Variants in UGT2A2 observed in about 807,000 individuals in gnomAD.
The protein encoded by UGT2A2 is UDP glucuronosyltransferase family 2 member A2.
In UGT2A2, 60 loss-of-function variants were observed where a neutral mutation model predicts 50.7. The observed-to-expected ratio is 1.18, with a 90% CI of 0.96 to 1.47. The LOEUF (loss-of-function observed/expected upper bound fraction) is 1.47. UGT2A2 is among the 40% of genes most tolerant of loss of function. The pLI, the probability that UGT2A2 is intolerant of heterozygous loss-of-function variation, is 0.00. For synonymous variants in UGT2A2, 242 were observed against 214.6 expected, an observed-to-expected ratio of 1.13 and a Z score of -1.11; for missense variants, 762 against 634.0, an observed-to-expected ratio of 1.20 and a Z score of -2.17.
intron 1 of UGT2A2, among the ~76,000 whole-genome samples, chr4:69,607,347 G>A (rs1405337172): frequency 2.0e-5 from 3 of 151,410 alleles, no homozygotes. Flanking sequence ...AAATGGTGCT[G>A]GGAAAACTGG....
intron 1 of UGT2A2, among the ~76,000 whole-genome samples, chr4:69,623,749 A>G (rs1208404437): frequency 6.6e-6 from 1 of 151,430 alleles, no homozygotes; most frequent in Non-Finnish European, 1.5e-5. Context: ...TATGTAATAC[A>G]TTATAAAAAT....
chr4:69,637,472 T>C (rs1302285547), intron 1 of UGT2A2, among the ~76,000 whole-genome samples: 1 of 152,148 alleles, frequency 6.6e-6, no homozygotes, highest in African/African-American at 2.4e-5. Context: ...AGTTTATGTG[T>C]ATGGCTTGCC....
At chr4:69,601,497 G>T (rs566694010) in intron 1 of UGT2A2, among the ~76,000 whole-genome samples, 3 of 152,246 alleles carry the variant, frequency 2.0e-5, no homozygotes, top group South Asian at 2.1e-4. Context: ...CCAACTGACA[G>T]TCCATTACAG....
At chr4:69,591,984 AG>A (rs373085464) in intron 5 of UGT2A2, among the ~76,000 whole-genome samples, 9 of 152,200 alleles carry the variant, frequency 5.9e-5, no homozygotes, top group African/African-American at 2.2e-4. Context: ...TATTAATAAA[AG>A]TCAATTAATT....
intron 1 of UGT2A2, among the ~76,000 whole-genome samples, chr4:69,616,557 C>A (rs1301498848): frequency 2.0e-5 from 3 of 151,916 alleles, no homozygotes; most frequent in East Asian, 1.9e-4. Context: ...ATAACATGTA[C>A]CCCACCAACA....
intron 1 of UGT2A2, among the ~76,000 whole-genome samples, chr4:69,627,894 ATAT>A (rs1208187221): frequency 6.6e-6 from 1 of 151,948 alleles, no homozygotes; most frequent in Non-Finnish European, 1.5e-5. Context: ...AAATACTAAA[ATAT>A]TATTAATTTT....
At position 69,596,400 on chromosome 4, in the gene UGT2A2, T is replaced by C; in HGVS notation, c.892-19A>G. ...CCATTTCCTGCATACATAATATATT[T>C]TCTATTACAAAGGTGTAGCATCATA... On this transcript the variant is annotated intron_variant, in intron 2 of 5. Coordinates refer to ENST00000604629, the MANE Select transcript of UGT2A2 (RefSeq NM_001105677.2). 6.5e-7 allele frequency: 1 copy of C among 1,545,930 alleles called. No individual in the cohort carries two copies. The highest frequency in any genetic ancestry group is 8.7e-7 in the Non-Finnish European group (1 of 1,144,338).
chr4:69,629,564 T>C (rs1033272306), intron 1 of UGT2A2, among the ~76,000 whole-genome samples: 9 of 152,080 alleles, frequency 5.9e-5, no homozygotes, highest in African/African-American at 2.2e-4. Context: ...AAACAGGCTC[T>C]AGACATCTAT....
intron 1 of UGT2A2, among the ~76,000 whole-genome samples, chr4:69,632,961 T>C (rs1199439767): frequency 6.6e-6 from 1 of 152,088 alleles, no homozygotes; most frequent in Admixed American, 6.5e-5. Flanking sequence ...CACTAGAGAT[T>C]CTTGATGGCT....
intron 1 of UGT2A2, among the ~76,000 whole-genome samples, chr4:69,627,192 C>T (rs1210339427): frequency 6.6e-6 from 1 of 151,576 alleles, no homozygotes; most frequent in Non-Finnish European, 1.5e-5. Flanking sequence ...AAATCCTTTG[C>T]CACAATAACA....
At chr4:69,591,370 A>C (rs566714750) in intron 5 of UGT2A2, among the ~76,000 whole-genome samples, 52 of 152,270 alleles carry the variant, frequency 3.4e-4, no homozygotes, top group African/African-American at 1.3e-3. Flanking sequence ...CATCCAGGCT[A>C]TAGGTAAATT....
chr4:69,612,009 C>T (rs964354269), intron 1 of UGT2A2, among the ~76,000 whole-genome samples: 1 of 151,974 alleles, frequency 6.6e-6, no homozygotes, highest in African/African-American at 2.4e-5. Context: ...TATATTCTCT[C>T]AGAATTAACA....
intron 1 of UGT2A2, among the ~76,000 whole-genome samples, chr4:69,624,039 T>G (rs1720901570): frequency 1.3e-5 from 2 of 151,610 alleles, no homozygotes; most frequent in Admixed American, 1.3e-4. Context: ...ATTTCCTCAT[T>G]TATTTTCTGT....
At chr4:69,616,833 C>CTTTTTTTTTTT (rs4148315) in intron 1 of UGT2A2, among the ~76,000 whole-genome samples, 17 of 127,256 alleles carry the variant, frequency 1.3e-4, no homozygotes, top group East Asian at 4.7e-4. Context: ...ATTTTCTTTT[C>CTTTTTTTTTTT]TTTTTTTTTT....
At chr4:69,606,555 G>A (rs1272512207) in intron 1 of UGT2A2, among the ~76,000 whole-genome samples, 1 of 136,274 alleles carries the variant, frequency 7.3e-6, no homozygotes, top group Admixed American at 7.2e-5. Flanking sequence ...TCAACATAGT[G>A]TTGGAAGTTC....
chr4:69,622,137 C>T (rs1269471522), intron 1 of UGT2A2, among the ~76,000 whole-genome samples: 2 of 151,770 alleles, frequency 1.3e-5, no homozygotes, highest in Non-Finnish European at 2.9e-5. Flanking sequence ...CAAACCTGCA[C>T]ATGTACTCCT....
At chr4:69,617,614 A>G (rs1720481345) in intron 1 of UGT2A2, among the ~76,000 whole-genome samples, 1 of 151,802 alleles carries the variant, frequency 6.6e-6, no homozygotes, top group African/African-American at 2.4e-5. Flanking sequence ...TATAAGTTAA[A>G]ATAATGATAT....
intron 1 of UGT2A2, among the ~76,000 whole-genome samples, chr4:69,627,175 A>C (rs2109947746): frequency 6.6e-6 from 1 of 152,006 alleles, no homozygotes; most frequent in East Asian, 1.9e-4. Flanking sequence ...ATAATTTTTA[A>C]CAGTAAAAAT....
intron 1 of UGT2A2, among the ~76,000 whole-genome samples, chr4:69,638,523 T>A (rs1425730759): frequency 6.6e-6 from 1 of 152,084 alleles, no homozygotes; most frequent in Non-Finnish European, 1.5e-5. Flanking sequence ...AAGAAAATAA[T>A]GAAGGACAAA....
Sources: allele counts gnomAD v4.1 joint callset (sites outside exome capture counted in the v4.1 genomes callset), GRCh38; gene constraint gnomAD v4.1.1; transcripts MANE v1.5; gene names NCBI Gene and HGNC (gene_info 2026-07-23, HGNC 2026-07-21).